Variants in C5orf34 observed in about 807,000 individuals in gnomAD.
C5orf34 encodes chromosome 5 open reading frame 34.
Under a neutral mutation model 78.4 loss-of-function variants are expected in C5orf34, and 73 were observed. That is an observed-to-expected ratio of 0.93 (90% confidence interval 0.77 to 1.13). C5orf34 has a LOEUF of 1.13. Among genes scored for constraint, C5orf34 ranks in the 50% most tolerant of loss-of-function variants. The pLI is 0.00. For synonymous variants in C5orf34, 251 were observed against 246.6 expected, an observed-to-expected ratio of 1.02 and a Z score of -0.17; for missense variants, 730 against 732.7, an observed-to-expected ratio of 1.00 and a Z score of 0.04.
chr5:43,504,083 C>T (rs546758477), intron 4 of C5orf34, among the ~76,000 whole-genome samples: 48 of 152,126 alleles, frequency 3.2e-4, no homozygotes, highest in African/African-American at 9.2e-4. Context: ...GAGGCCAAGG[C>T]GGGCGGATCA....
At chr5:43,509,015 G>A (rs1406333736) in intron 2 of C5orf34, 130 bp downstream of exon 2, 2 of 681,588 alleles carry the variant, frequency 2.9e-6, no homozygotes, top group Admixed American at 5.7e-5. Flanking sequence ...TGAGGCAGGA[G>A]AATCACTTGA....
intron 1 of C5orf34, among the ~76,000 whole-genome samples, chr5:43,509,755 G>T (rs537941584): frequency 1.0e-3 from 157 of 151,384 alleles, no homozygotes; most frequent in African/African-American, 3.6e-3. Context: ...ATTTCTTTTT[G>T]TTTTTTTTGT....
At chr5:43,503,095 A>G (rs1394247671) in intron 5 of C5orf34, among the ~76,000 whole-genome samples, 1 of 152,242 alleles carries the variant, frequency 6.6e-6, no homozygotes, top group Non-Finnish European at 1.5e-5. Flanking sequence ...TCGCTCTCCA[A>G]AAATTTAGCA....
At chr5:43,507,818 C>T (rs575895685) in intron 3 of C5orf34, among the ~76,000 whole-genome samples, 17 of 152,064 alleles carry the variant, frequency 1.1e-4, no homozygotes, top group Admixed American at 3.3e-4. Context: ...GTGGCTCACG[C>T]CTGTAATCCC....
intron 6 of C5orf34, chr5:43,495,180 C>A (rs1239529408): frequency 3.1e-6 from 5 of 1,611,012 alleles, no homozygotes; most frequent in South Asian, 1.1e-5. Context: ...TGTCTCATAT[C>A]ACGAACAGCA....
chr5:43,497,908 A>G (rs988198685), intron 6 of C5orf34, among the ~76,000 whole-genome samples: 4 of 152,214 alleles, frequency 2.6e-5, no homozygotes, highest in Admixed American at 2.6e-4. Flanking sequence ...TATGTCATTT[A>G]TCACGTTGTT....
intron 6 of C5orf34, among the ~76,000 whole-genome samples, chr5:43,497,042 G>A (rs1745560562): frequency 6.6e-6 from 1 of 152,046 alleles, no homozygotes; most frequent in Non-Finnish European, 1.5e-5. Flanking sequence ...TATTTTAATT[G>A]AATGAATATA....
At chr5:43,495,439 G>T (rs1172745924) in intron 6 of C5orf34, 1 of 1,610,830 alleles carries the variant, frequency 6.2e-7, no homozygotes, top group Non-Finnish European at 8.5e-7. Flanking sequence ...CCTGAGCAAT[G>T]AAGTCAGCTG....
chr5:43,512,760 CTTT>C (rs58813772), intron 1 of C5orf34, among the ~76,000 whole-genome samples: 1 of 72,896 alleles, frequency 1.4e-5, no homozygotes, highest in African/African-American at 5.5e-5. Context: ...CCCACCTTGT[CTTT>C]TTTTTTTTTT....
intron 5 of C5orf34, 86 bp from the exon 6 acceptor site, chr5:43,502,581 C>T (rs995035344): frequency 2.5e-6 from 2 of 787,154 alleles, no homozygotes; most frequent in Non-Finnish European, 4.2e-6. Flanking sequence ...ACAGTAACAA[C>T]AAAATCTAAG....
intron 1 of C5orf34, among the ~76,000 whole-genome samples, chr5:43,512,010 C>A (rs997704548): frequency 7.2e-6 from 1 of 139,356 alleles, no homozygotes; most frequent in East Asian, 2.1e-4. Context: ...GTGAGAAACA[C>A]CCAAGAATGA....
At chr5:43,512,983 C>A (rs976780403) in intron 1 of C5orf34, among the ~76,000 whole-genome samples, 8 of 151,818 alleles carry the variant, frequency 5.3e-5, no homozygotes, top group African/African-American at 1.9e-4. Flanking sequence ...AGGTTTTCAC[C>A]ATGTTGGCCA....
intron 8 of C5orf34, among the ~76,000 whole-genome samples, chr5:43,493,151 T>C (rs1370842135): frequency 4.6e-5 from 7 of 152,080 alleles, no homozygotes; most frequent in African/African-American, 1.7e-4. Context: ...CTTACAGGTT[T>C]GTAATTAAAT....
chr5:43,487,148 T>C, intron 12 of C5orf34, 37 bp from the exon 13 acceptor site: 6 of 1,024,340 alleles, frequency 5.9e-6, no homozygotes, highest in Non-Finnish European at 6.9e-6. Context: ...CCCCACATTT[T>C]TCACTATATA....
intron 6 of C5orf34, chr5:43,495,764 A>G: frequency 6.3e-7 from 1 of 1,580,474 alleles, no homozygotes; most frequent in Non-Finnish European, 8.7e-7. Flanking sequence ...GATGCAGTCC[A>G]GAGCCTCAAG....
In C5orf34 at chr5:43,492,291, A is replaced by T. The variant is rs773299218; in HGVS notation, c.1504T>A (p.Leu502Ile). The T allele has an allele frequency of 1.9e-5, 30 of 1,607,256 alleles. No individual in the cohort carries two copies. Among genetic ancestry groups the T allele is most frequent in the Non-Finnish European group, 2.5e-5 (29 of 1,176,312 alleles). ...GGAAAAGTTAACTTACACCAACCTA[A>T]GTTAAGACCTTGATTTACCTGAAGA... ...EKRQVNQGLN[L>I]GWCKLTFPDG... Residue 502 changes from leucine to isoleucine, a missense_variant, in exon 10 of 13, where the codon TTA becomes ATA. Physicochemically the swap from Leu to Ile is conservative, Grantham distance 5. Transcript: ENST00000306862.
At position 43,506,132 on chromosome 5, in the gene C5orf34, C is replaced by A. The variant is rs547412168; in HGVS notation, c.548G>T (p.Arg183Leu). ...CAGTCTCTGTCCTGGTAAATTTCCA[C>A]GTATACAGATTTTGCCAGTTTTTTC... ...LVEKTGKICI[R>L]GNLPGQRLKN... The change falls in exon 4 of 13, where the codon CGT becomes CTT. Residue 183 changes from arginine to leucine, a missense_variant. Physicochemically the swap from Arg to Leu is moderately radical, Grantham distance 102. Transcript: ENST00000306862. 2 of 1,614,088 alleles carry A rather than the reference C, an allele frequency of 1.2e-6. No individual in the cohort carries two copies. The highest frequency in any genetic ancestry group is 1.7e-6 in the Non-Finnish European group (2 of 1,180,046).
At chr5:43,493,186 C>A (rs796792755) in intron 8 of C5orf34, among the ~76,000 whole-genome samples, 12 of 151,368 alleles carry the variant, frequency 7.9e-5, no homozygotes, top group African/African-American at 2.9e-4. Context: ...AAATCAAAGT[C>A]TGAGAATCAC....
intron 1 of C5orf34, among the ~76,000 whole-genome samples, chr5:43,509,801 G>A (rs1056872728): frequency 6.6e-6 from 1 of 152,006 alleles, no homozygotes. Flanking sequence ...TGTCATCCAG[G>A]CTAGAGTGCA....
Sources: allele counts gnomAD v4.1 joint callset (sites outside exome capture counted in the v4.1 genomes callset), GRCh38; gene constraint gnomAD v4.1.1; transcripts MANE v1.5; gene names NCBI Gene and HGNC (gene_info 2026-07-23, HGNC 2026-07-21).